The following SGCZ variants were observed in gnomAD, a reference collection of about 807,000 sequenced individuals.
SGCZ encodes the protein zeta-sarcoglycan.
Under a neutral mutation model 41.3 loss-of-function variants are expected in SGCZ, and 40 were observed. The observed-to-expected ratio is 0.97, with a 90% CI of 0.75 to 1.26. The LOEUF is 1.26. Ranked by LOEUF, SGCZ falls within the 50% of genes most tolerant of loss-of-function variation. The pLI is 0.00. For synonymous variants in SGCZ, 206 were observed against 137.5 expected, an observed-to-expected ratio of 1.50 and a Z score of -3.49; for missense variants, 552 against 369.8, an observed-to-expected ratio of 1.49 and a Z score of -4.04.
At chr8:14,126,318 G>C (rs1563141436) in intron 5 of SGCZ, among the ~76,000 whole-genome samples, 1 of 152,108 alleles carries the variant, frequency 6.6e-6, no homozygotes, top group African/African-American at 2.4e-5. Context: ...AATGGGCAAA[G>C]GACATGAACA....
chr8:15,129,151 C>T (rs770220125), intron 1 of SGCZ, among the ~76,000 whole-genome samples: 1 of 152,144 alleles, frequency 6.6e-6, no homozygotes, highest in Non-Finnish European at 1.5e-5. Context: ...TTTTATTTGA[C>T]ACTGGTCAGT....
chr8:15,048,769 T>C (rs1197878479), intron 1 of SGCZ, among the ~76,000 whole-genome samples: 4 of 152,140 alleles, frequency 2.6e-5, no homozygotes, highest in Admixed American at 2.6e-4. Context: ...GCATTTTTTA[T>C]ATATAGACAT....
intron 1 of SGCZ, among the ~76,000 whole-genome samples, chr8:14,557,402 C>T (rs1371033266): frequency 6.6e-6 from 1 of 151,746 alleles, no homozygotes; most frequent in African/African-American, 2.4e-5. Context: ...TCTGAGTGTT[C>T]CTTTTGTAAT....
chr8:14,091,639 G>A (rs1801692208), intron 7 of SGCZ, among the ~76,000 whole-genome samples: 1 of 152,050 alleles, frequency 6.6e-6, no homozygotes, highest in Non-Finnish European at 1.5e-5. Flanking sequence ...AGAAATGTCT[G>A]TTCATATTCT....
intron 1 of SGCZ, among the ~76,000 whole-genome samples, chr8:14,899,850 G>A (rs546714605): frequency 6.6e-6 from 1 of 151,748 alleles, no homozygotes; most frequent in Admixed American, 6.6e-5. Context: ...GAAGGAAGAG[G>A]AGGAAGAAGA....
At chr8:14,820,319 G>A (rs1802036368) in intron 1 of SGCZ, among the ~76,000 whole-genome samples, 1 of 151,926 alleles carries the variant, frequency 6.6e-6, no homozygotes, top group Admixed American at 6.6e-5. Context: ...TATAATAGTT[G>A]CAAATATATA....
intron 2 of SGCZ, among the ~76,000 whole-genome samples, chr8:14,502,423 C>A (rs11780008): frequency 6.6e-6 from 1 of 152,032 alleles, no homozygotes; most frequent in Non-Finnish European, 1.5e-5. Context: ...AGGGTTATAT[C>A]TACAATACAA....
At chr8:14,170,513 C>G (rs1240262031) in intron 4 of SGCZ, among the ~76,000 whole-genome samples, 1 of 152,036 alleles carries the variant, frequency 6.6e-6, no homozygotes, top group Non-Finnish European at 1.5e-5. Context: ...GGCCTGGCCT[C>G]TATGAATTTT....
intron 1 of SGCZ, among the ~76,000 whole-genome samples, chr8:14,742,006 T>A (rs1056406721): frequency 6.6e-6 from 1 of 152,036 alleles, no homozygotes; most frequent in Admixed American, 6.6e-5. Flanking sequence ...CATAATTATT[T>A]AAGGCATAAT....
chr8:14,511,128 T>G (rs1563376771), intron 2 of SGCZ, among the ~76,000 whole-genome samples: 1 of 151,944 alleles, frequency 6.6e-6, no homozygotes, highest in Non-Finnish European at 1.5e-5. Context: ...TACCCTTACT[T>G]GAGGACTAGT....
At chr8:15,223,081 C>T (rs1393480483) in intron 1 of SGCZ, among the ~76,000 whole-genome samples, 1 of 152,138 alleles carries the variant, frequency 6.6e-6, no homozygotes, top group Non-Finnish European at 1.5e-5. Context: ...ATTAAATGGG[C>T]TGCTTTCTAT....
At chr8:14,895,862 G>A (rs535395527) in intron 1 of SGCZ, among the ~76,000 whole-genome samples, 96 of 152,286 alleles carry the variant, frequency 6.3e-4, no homozygotes, top group African/African-American at 2.2e-3. Context: ...ATTGATCTAT[G>A]TAGGGTAGAA....
intron 4 of SGCZ, among the ~76,000 whole-genome samples, chr8:14,205,718 C>G (rs1327794108): frequency 6.6e-6 from 1 of 152,074 alleles, no homozygotes; most frequent in East Asian, 1.9e-4. Flanking sequence ...TAGTTGTAGA[C>G]ACCAGCTTAA....
At chr8:15,048,497 A>G (rs1016836938) in intron 1 of SGCZ, among the ~76,000 whole-genome samples, 4 of 152,112 alleles carry the variant, frequency 2.6e-5, no homozygotes, top group Admixed American at 2.6e-4. Context: ...CATCCCTAAC[A>G]CAAAGAAATG....
intron 4 of SGCZ, among the ~76,000 whole-genome samples, chr8:14,185,432 C>A (rs1296666735): frequency 6.6e-6 from 1 of 151,848 alleles, no homozygotes; most frequent in Non-Finnish European, 1.5e-5. Flanking sequence ...AATAAAAAAA[C>A]AAAAAATCTG....
chr8:14,161,132 C>T (rs1378716706), intron 5 of SGCZ, among the ~76,000 whole-genome samples: 1 of 152,174 alleles, frequency 6.6e-6, no homozygotes, highest in Non-Finnish European at 1.5e-5. Flanking sequence ...TCTCTTTGTA[C>T]TGTTATTTGT....
intron 3 of SGCZ, among the ~76,000 whole-genome samples, chr8:14,290,488 A>G (rs1343517324): frequency 6.6e-6 from 1 of 152,128 alleles, no homozygotes; most frequent in Non-Finnish European, 1.5e-5. Flanking sequence ...ACAACTCAAT[A>G]ACAACAAAAT....
At chr8:14,480,022 G>A (rs1801492074) in intron 2 of SGCZ, among the ~76,000 whole-genome samples, 1 of 152,156 alleles carries the variant, frequency 6.6e-6, no homozygotes, top group Non-Finnish European at 1.5e-5. Context: ...CGGGATTACG[G>A]GCGTGAGCCA....
At chr8:14,800,699 T>C (rs1237037886) in intron 1 of SGCZ, among the ~76,000 whole-genome samples, 1 of 152,190 alleles carries the variant, frequency 6.6e-6, no homozygotes, top group African/African-American at 2.4e-5. Flanking sequence ...CCTTCTGCCA[T>C]GATTGTAAGT....
Sources: allele counts gnomAD v4.1 joint callset (sites outside exome capture counted in the v4.1 genomes callset), GRCh38; gene constraint gnomAD v4.1.1; transcripts MANE v1.5; gene names NCBI Gene and HGNC (gene_info 2026-07-23, HGNC 2026-07-21).